ATP6V0B: variants seen among roughly 807,000 people sequenced by gnomAD.
ATP6V0B encodes the protein V-type proton ATPase 21 kDa proteolipid subunit c''.
ATP6V0B carries 4 observed loss-of-function variants against 26.2 expected under a neutral mutation model. The ratio of observed to expected loss-of-function variants is 0.15; its 90% confidence interval spans 0.08 to 0.35. The LOEUF is 0.35. Ranked by LOEUF, ATP6V0B falls within the 10% of genes least tolerant of loss-of-function variation. ATP6V0B has a pLI of 1.00. For missense variants in ATP6V0B, 175 were observed against 272.5 expected, an observed-to-expected ratio of 0.64 and a Z score of 2.52; for synonymous variants, 110 against 105.8, an observed-to-expected ratio of 1.04 and a Z score of -0.24.
chr1:43,975,731 T>C (rs766327076), intron 1 of ATP6V0B, 69 bp from the exon 2 acceptor site: 13 of 1,566,982 alleles, frequency 8.3e-6, no homozygotes, highest in East Asian at 4.5e-5. Flanking sequence ...GCTCGGCAGC[T>C]ACTTTAGGTT....
At chr1:43,975,572 G>C (rs1571793821) in intron 1 of ATP6V0B, 1 of 599,276 alleles carries the variant, frequency 1.7e-6, no homozygotes, top group East Asian at 2.9e-5. Context: ...TGCGGGTGGC[G>C]ACCCTGCCTG....
rs374221606 is a variant in ATP6V0B at position 43,978,029 on chromosome 1, G to A, written c.*22G>A. 11 of 1,614,060 alleles carry A rather than the reference G, an allele frequency of 6.8e-6. No homozygotes were observed. The highest frequency in any genetic ancestry group is 3.3e-5 in the South Asian group (3 of 91,096). Reference sequence around the variant, plus strand: ...CTAGATGATATGTGTGGGTGGGGCCGTGCCTCACTTTTATTTATTGCTGGT... The same window carrying A: ...CTAGATGATATGTGTGGGTGGGGCCATGCCTCACTTTTATTTATTGCTGGT... On this transcript the variant is annotated 3_prime_UTR_variant, in exon 8 of 8. Transcript: ENST00000472174.
chr1:43,975,229 G>C, intron 1 of ATP6V0B, 122 bp downstream of exon 1: 1 of 1,229,540 alleles, frequency 8.1e-7, no homozygotes, highest in Non-Finnish European at 1.1e-6. Flanking sequence ...CGAGGCTCTG[G>C]GGACTTGCGC....
chr1:43,975,933 C>A, intron 2 of ATP6V0B, 85 bp downstream of exon 2: 1 of 1,516,904 alleles, frequency 6.6e-7, no homozygotes, highest in Non-Finnish European at 9.0e-7. Context: ...CCCTCCCCCA[C>A]ACCACTGCCT....
In ATP6V0B at chr1:43,976,088, A is replaced by G. The variant is rs1000495113; in HGVS notation, c.117-2A>G. The G allele has an allele frequency of 6.2e-7, 1 of 1,613,632 alleles. No homozygotes were observed. Among genetic ancestry groups the G allele is most frequent in the African/African-American group, 1.3e-5 (1 of 74,862 alleles). On this transcript the variant is annotated splice_acceptor_variant, in intron 2 of 7. Transcript: ENST00000472174. LOFTEE classifies it high-confidence loss of function. The surrounding 1 kb of genome is among the most constrained non-coding windows in gnomAD (Gnocchi z 4.6). ...CTGCTTTCTTCTCTGCTTCCACAAC[A>G]GGTTCCTGACGGAGACTTCGCCCTT...
chr1:43,977,458 A>G (rs1311599035), intron 7 of ATP6V0B: 47 of 1,440,190 alleles, frequency 3.3e-5, no homozygotes, highest in South Asian at 4.5e-5. Flanking sequence ...TTGTATCTGT[A>G]TAGCACTTAG....
At position 43,977,518 on chromosome 1, in the gene ATP6V0B, C is replaced by T. The variant is rs1193848477; in HGVS notation, c.591+302C>T. ...TTTATCTGCCATGCTTTTCATGTCT[C>T]CAGTCTGTATTTGTGATCTAGACTA... On this transcript the variant is annotated intron_variant, in intron 7 of 7. Coordinates refer to ENST00000472174, the MANE Select transcript of ATP6V0B (RefSeq NM_004047.5). 4.9e-6 allele frequency: 7 copies of T among 1,429,238 alleles called. No individual in the cohort carries two copies. In the East Asian group the frequency reaches 1.8e-4, roughly 36 times the overall value. 88.5% of individuals were successfully genotyped at this position (1,429,238 alleles called of 1,614,324 possible). A position where few individuals can be genotyped will look rare whatever the true frequency, so the allele number is the denominator to read the frequency against.
intron 1 of ATP6V0B, 130 bp downstream of exon 1, chr1:43,975,237 C>T (rs1190044490): frequency 5.2e-6 from 6 of 1,163,520 alleles, no homozygotes; most frequent in Non-Finnish European, 7.2e-6. Context: ...TGGGGACTTG[C>T]GCCTGCGAGG....
chr1:43,974,987 G>C lies in ATP6V0B; in HGVS notation c.-54G>C. ...ACTGCGGGACGGACGGTGGACGCTG[G>C]GACGCGTTTGTAGCTCCGGCCCCGC... On this transcript the variant is annotated 5_prime_UTR_variant, in exon 1 of 8. Transcript: ENST00000472174. 1 of 1,229,642 alleles carries C rather than the reference G, an allele frequency of 8.1e-7. No individual in the cohort carries two copies. Among genetic ancestry groups the C allele is most frequent in the Non-Finnish European group, 1.0e-6 (1 of 972,598 alleles). The allele number at this position is 1,229,642 out of a possible 1,614,324, so 76.2% of individuals were successfully genotyped here.
At chr1:43,975,968 A>C (rs116806181) in intron 2 of ATP6V0B, 120 bp downstream of exon 2, 49 of 1,512,450 alleles carry the variant, frequency 3.2e-5, no homozygotes, top group Non-Finnish European at 4.3e-5. Flanking sequence ...CCTTTGGGAA[A>C]TACGCGGTCA....
chr1:43,976,657 G>A lies in ATP6V0B; in HGVS notation c.346G>A (p.Glu116Lys). The A allele has an allele frequency of 1.2e-6, 2 of 1,614,226 alleles. No individual in the cohort carries two copies. Among genetic ancestry groups the A allele is most frequent in the Non-Finnish European group, 1.7e-6 (2 of 1,180,036 alleles). The change falls in exon 5 of 8, where the codon GAG becomes AAG. Residue 116 changes from glutamate to lysine, a missense_variant and splice_region_variant. By Grantham distance (56) the Glu-to-Lys change is moderately conservative. Around this residue, in one of 3 missense-constraint regions of ATP6V0B, gnomAD observed 97 missense variants for 158.0 expected, o/e 0.61. Transcript: ENST00000472174. The surrounding 1 kb of genome is among the most constrained non-coding windows in gnomAD (Gnocchi z 4.6). Reference sequence around the variant, plus strand: ...GGCAATTGTCATTAGCAACATGGCTGAGGTATGGAAGGCCAGGGTGGTGGC... The same window carrying A: ...GGCAATTGTCATTAGCAACATGGCTAAGGTATGGAAGGCCAGGGTGGTGGC... The part of the protein sequence containing the change: ...IMAIVISNMA[E>K]PFSATDPKAI...
At position 43,976,755 on chromosome 1, in the gene ATP6V0B, C is replaced by G. The variant is rs780497975; in HGVS notation, c.349-18C>G. 3 of 1,614,028 alleles carry G rather than the reference C, an allele frequency of 1.9e-6. No individual in the cohort carries two copies. The highest frequency in any genetic ancestry group is 2.7e-5 in the African/African-American group (2 of 74,908). ...GGTGCATCAGGATGGTTTCTGATTA[C>G]TTTTCTTCTTCCCTCAGCCTTTCAG... On this transcript the variant is annotated intron_variant, in intron 5 of 7. Coordinates refer to ENST00000472174, the MANE Select transcript of ATP6V0B (RefSeq NM_004047.5). This position sits in a 1 kb window ranked among gnomAD's most constrained non-coding sequence, Gnocchi z 4.6.
At position 43,975,014 on chromosome 1, in the gene ATP6V0B, G is replaced by A; in HGVS notation, c.-27G>A. On this transcript the variant is annotated 5_prime_UTR_variant, in exon 1 of 8. Transcript: ENST00000472174. ...ACGCGTTTGTAGCTCCGGCCCCGCCGTTCCGACCCCCGCCGCCGTCGCCGC... is the reference window on the plus strand; with the variant it reads ...ACGCGTTTGTAGCTCCGGCCCCGCCATTCCGACCCCCGCCGCCGTCGCCGC... 2.4e-6 allele frequency: 3 copies of A among 1,262,258 alleles called. No individual in the cohort carries two copies. Among genetic ancestry groups the A allele is most frequent in the Non-Finnish European group, 3.0e-6 (3 of 1,000,606 alleles). The allele number at this position is 1,262,258 out of a possible 1,614,324, so 78.2% of individuals were successfully genotyped here. A position where few individuals can be genotyped will look rare whatever the true frequency, so the allele number is the denominator to read the frequency against.
Position 43,976,773 on chromosome 1 carries a change from C to G in ATP6V0B, c.349C>G (p.Pro117Ala). 1 of 1,614,218 alleles carries G rather than the reference C, an allele frequency of 6.2e-7. No individual in the cohort carries two copies. Among genetic ancestry groups the G allele is most frequent in the Non-Finnish European group, 8.5e-7 (1 of 1,180,046 alleles). Residue 117 changes from proline to alanine, a missense_variant and splice_region_variant, in exon 6 of 8, where the codon CCT becomes GCT. Pro to Ala is a conservative substitution (Grantham distance 27). This residue lies in a region of ATP6V0B where 97 missense variants were observed against 158.0 expected (regional missense o/e 0.61). Coordinates refer to ENST00000472174, the MANE Select transcript of ATP6V0B (RefSeq NM_004047.5). This position sits in a 1 kb window ranked among gnomAD's most constrained non-coding sequence, Gnocchi z 4.6. ...MAIVISNMAEPFSATDPKAIG... is the reference protein window; with the variant it reads ...MAIVISNMAEAFSATDPKAIG... The stretch of plus-strand genomic sequence containing the variant: ...CTGATTACTTTTCTTCTTCCCTCAG[C>G]CTTTCAGTGCCACAGACCCCAAGGC...
Position 43,976,028 on chromosome 1 carries a change from A to G in ATP6V0B, c.117-62A>G. On this transcript the variant is annotated intron_variant, in intron 2 of 7. Transcript: ENST00000472174. The surrounding 1 kb of genome is among the most constrained non-coding windows in gnomAD (Gnocchi z 4.6). ...GGGGTTGAAGGGGGTTTGAGGGGTTAAGATTTTGTGCTCCGCTTCCCTGCT... is the reference window on the plus strand; with the variant it reads ...GGGGTTGAAGGGGGTTTGAGGGGTTGAGATTTTGTGCTCCGCTTCCCTGCT... 6.3e-7 allele frequency: 1 copy of G among 1,575,232 alleles called. No individual in the cohort carries two copies. The highest frequency in any genetic ancestry group is 1.7e-5 in the Admixed American group (1 of 59,970).
Position 43,976,387 on chromosome 1 carries a change from T to C in ATP6V0B, c.278+8T>C. On this transcript the variant is annotated splice_region_variant and intron_variant, in intron 4 of 7. Transcript: ENST00000472174. The surrounding 1 kb of genome is among the most constrained non-coding windows in gnomAD (Gnocchi z 4.6). ...GACCAAGAACCTGGTCAGGTAAGTG[T>C]CAGGGTCCTTGGACTTTTGTCAGAA... 6.2e-7 allele frequency: 1 copy of C among 1,608,054 alleles called. No homozygotes were observed. Among genetic ancestry groups the C allele is most frequent in the Non-Finnish European group, 8.5e-7 (1 of 1,176,902 alleles).
Position 43,975,012 on chromosome 1 carries a change from C to A in ATP6V0B, c.-29C>A. 7.9e-7 allele frequency: 1 copy of A among 1,263,484 alleles called. No individual in the cohort carries two copies. The allele number at this position is 1,263,484 out of a possible 1,614,324, so 78.3% of individuals were successfully genotyped here. On this transcript the variant is annotated 5_prime_UTR_variant, in exon 1 of 8. Transcript: ENST00000472174. ...GGACGCGTTTGTAGCTCCGGCCCCG[C>A]CGTTCCGACCCCCGCCGCCGTCGCC...
chr1:43,977,672 T>G, intron 7 of ATP6V0B: 1 of 1,427,372 alleles, frequency 7.0e-7, no homozygotes, highest in Non-Finnish European at 9.1e-7. Flanking sequence ...GTCTAGTCTG[T>G]CTGACAGTGT....
At chr1:43,975,769 G>C (rs371924206) in intron 1 of ATP6V0B, 31 bp from the exon 2 acceptor site, 28 of 1,584,246 alleles carry the variant, frequency 1.8e-5, no homozygotes, top group Non-Finnish European at 2.1e-5. Context: ...CGAGCAGCCC[G>C]TAACCCCCTT....
Sources: gnomAD v4.1 joint callset for allele counts on GRCh38, gnomAD v4.1.1 for gene constraint, gnomAD v4.1.1 regional missense constraint, Gnocchi (gnomAD v3.1) non-coding constraint, MANE v1.5 for transcripts, NCBI Gene and HGNC (gene_info 2026-07-23, HGNC 2026-07-21) for gene names.